CEP350: variants seen among roughly 807,000 people sequenced by gnomAD.
The protein encoded by CEP350 is centrosome-associated protein 350.
CEP350 carries 126 observed loss-of-function variants against 331.8 expected under a neutral mutation model. That is an observed-to-expected ratio of 0.38 (90% CI 0.33 to 0.44). The LOEUF (loss-of-function observed/expected upper bound fraction) is 0.44, where lower values mean the gene tolerates loss of function less well. CEP350 is among the 20% of genes least tolerant of loss of function. CEP350 has a pLI of 1.00. For missense variants in CEP350, 3,406 were observed against 3,634.6 expected (o/e 0.94, Z 1.62); for synonymous variants, 1,200 against 1,259.5 (o/e 0.95, Z 1.00).
At chr1:180,075,262 T>G (rs747287412) in intron 28 of CEP350, 41 bp downstream of exon 28, 3 of 1,514,360 alleles carry the variant, frequency 2.0e-6, no homozygotes, top group Non-Finnish European at 2.7e-6. Flanking sequence ...AACTAAAGCC[T>G]AACATAATTG....
intron 19 of CEP350, 44 bp from the exon 20 acceptor site, chr1:180,043,012 T>C (rs1433399672): frequency 1.9e-6 from 3 of 1,581,862 alleles, no homozygotes; most frequent in Non-Finnish European, 2.6e-6. Flanking sequence ...TCTCTGACCT[T>C]ACGTTTTAAT....
chr1:180,003,458 A>G (rs1010816352), intron 7 of CEP350, among the ~76,000 whole-genome samples, 171 bp downstream of exon 7: 2 of 152,212 alleles, frequency 1.3e-5, no homozygotes, highest in African/African-American at 4.8e-5. Context: ...CTCTAGACTC[A>G]GCTCCAGGGT....
chr1:179,996,261 A>G (rs1398404983), intron 5 of CEP350, among the ~76,000 whole-genome samples: 1 of 152,124 alleles, frequency 6.6e-6, no homozygotes, highest in Non-Finnish European at 1.5e-5. Flanking sequence ...GCTAGCTTAG[A>G]GTTCTCAGTT....
intron 23 of CEP350, 61 bp downstream of exon 23, chr1:180,053,227 G>A: frequency 1.2e-6 from 1 of 838,846 alleles, no homozygotes; most frequent in Non-Finnish European, 1.7e-6. Context: ...AAAGATATGA[G>A]AAAACATTTT....
rs1653500543 is a variant in CEP350 at position 179,997,023 on chromosome 1, T to G, written c.866T>G (p.Ile289Ser). The G allele has an allele frequency of 6.2e-7, 1 of 1,613,834 alleles. No individual in the cohort carries two copies. Among genetic ancestry groups the G allele is most frequent in the African/African-American group, 1.3e-5 (1 of 74,890 alleles). The change falls in exon 6 of 38, where the codon ATT becomes AGT. Residue 289 changes from isoleucine (I) to serine (S), a missense_variant. Ile to Ser is a moderately radical substitution (Grantham distance 142, BLOSUM62 -2). Coordinates refer to ENST00000367607, the MANE Select transcript of CEP350 (RefSeq NM_014810.5). ...DVKLEKLKER[I>S]RKQWEHSEET... ...AAACTGGAAAAACTTAAGGAACGGATTAGAAAACAGTGGGAACACTCAGAA... is the reference window on the plus strand; with the variant it reads ...AAACTGGAAAAACTTAAGGAACGGAGTAGAAAACAGTGGGAACACTCAGAA...
intron 2 of CEP350, among the ~76,000 whole-genome samples, chr1:179,986,653 A>G (rs938709844): frequency 3.9e-5 from 6 of 152,180 alleles, no homozygotes; most frequent in African/African-American, 1.4e-4. Flanking sequence ...GAGATTGACA[A>G]ACTAGAGTAC....
intron 6 of CEP350, among the ~76,000 whole-genome samples, chr1:179,999,114 A>G (rs998105975): frequency 6.6e-6 from 1 of 152,154 alleles, no homozygotes; most frequent in African/African-American, 2.4e-5. Flanking sequence ...TTAAGTACAG[A>G]CCCATTAAGT....
At chr1:180,055,336 C>CA (rs1251738353) in intron 25 of CEP350, among the ~76,000 whole-genome samples, 1 of 152,036 alleles carries the variant, frequency 6.6e-6, no homozygotes, top group African/African-American at 2.4e-5. Context: ...AATGAGGTAA[C>CA]ATATGTAAAG....
intron 8 of CEP350, among the ~76,000 whole-genome samples, chr1:180,009,105 A>G (rs1296366740): frequency 2.0e-5 from 3 of 152,136 alleles, no homozygotes; most frequent in Non-Finnish European, 4.4e-5. Flanking sequence ...CGCCTCCTGG[A>G]TTCAAGTGAT....
intron 29 of CEP350, 77 bp from the exon 30 acceptor site, chr1:180,080,440 G>T (rs916324775): frequency 1.8e-4 from 224 of 1,238,020 alleles, no homozygotes; most frequent in Non-Finnish European, 1.7e-4. Flanking sequence ...TCTTTATATG[G>T]CTAGTATGTC....
chr1:180,062,142 G>T, intron 25 of CEP350, 78 bp from the exon 26 acceptor site: 2 of 1,275,554 alleles, frequency 1.6e-6, no homozygotes, highest in Non-Finnish European at 2.0e-6. Flanking sequence ...TAATATATGT[G>T]CTGATTTTTT....
intron 7 of CEP350, among the ~76,000 whole-genome samples, chr1:180,005,117 T>A (rs1392911483): frequency 6.6e-6 from 1 of 151,606 alleles, no homozygotes; most frequent in Non-Finnish European, 1.5e-5. Flanking sequence ...CAGGACAAAT[T>A]TGTCTAGTCT....
intron 12 of CEP350, 126 bp downstream of exon 12, chr1:180,021,135 C>T (rs1219824411): frequency 1.0e-5 from 7 of 676,776 alleles, no homozygotes; most frequent in Admixed American, 7.5e-5. Flanking sequence ...TATTACTGTC[C>T]GTATTAGTCA....
At chr1:179,959,050 A>C (rs1650386215) in intron 1 of CEP350, among the ~76,000 whole-genome samples, 1 of 152,110 alleles carries the variant, frequency 6.6e-6, no homozygotes. Context: ...AAAGGAAGTA[A>C]ATTTTTTCTT....
intron 21 of CEP350, among the ~76,000 whole-genome samples, 163 bp downstream of exon 21, chr1:180,044,336 C>A (rs1339428033): frequency 6.6e-6 from 1 of 152,156 alleles, no homozygotes; most frequent in Non-Finnish European, 1.5e-5. Flanking sequence ...AATAGTTGGT[C>A]CATGTAATAA....
At chr1:179,968,860 G>A (rs542819485) in intron 1 of CEP350, 27 of 736,294 alleles carry the variant, frequency 3.7e-5, no homozygotes, top group East Asian at 1.0e-4. Flanking sequence ...TGAAAACCCC[G>A]CTGATGTCAG....
intron 30 of CEP350, among the ~76,000 whole-genome samples, chr1:180,082,858 T>C (rs1659658993): frequency 2.6e-5 from 4 of 152,150 alleles, no homozygotes; most frequent in Admixed American, 2.6e-4. Context: ...ACCAAAATAA[T>C]AATAATTTTG....
At chr1:180,105,657 A>G (rs551627422) in intron 37 of CEP350, among the ~76,000 whole-genome samples, 22 of 152,242 alleles carry the variant, frequency 1.4e-4, no homozygotes, top group African/African-American at 4.8e-4. Context: ...TTTAGCCTTC[A>G]TTTTGTTAAT....
intron 1 of CEP350, among the ~76,000 whole-genome samples, chr1:179,976,121 A>G (rs1189097848): frequency 3.3e-5 from 5 of 152,224 alleles, no homozygotes; most frequent in Non-Finnish European, 7.3e-5. Flanking sequence ...TTGACTGGAA[A>G]ATTGTATTAC....
Sources: allele counts gnomAD v4.1 joint callset (sites outside exome capture counted in the v4.1 genomes callset), GRCh38; gene constraint gnomAD v4.1.1; transcripts MANE v1.5; gene names NCBI Gene and HGNC (gene_info 2026-07-23, HGNC 2026-07-21).